The following ADGRV1 variants were observed in gnomAD, a reference collection of about 807,000 sequenced individuals.
The protein encoded by ADGRV1 is G-protein coupled receptor 98.
A neutral mutation model predicts 596.2 loss-of-function variants in ADGRV1; 359 were observed. That is an observed-to-expected ratio of 0.60 (90% CI 0.55 to 0.66). ADGRV1 has a LOEUF of 0.66. Ranked by LOEUF, ADGRV1 falls within the 30% of genes least tolerant of loss-of-function variation. The pLI is 0.00. For missense variants in ADGRV1, 7,274 were observed against 7,575.6 expected, an observed-to-expected ratio of 0.96 and a Z score of 1.48; for synonymous variants, 2,681 against 2,679.2, an observed-to-expected ratio of 1.00 and a Z score of -0.02.
Position 90,728,790 on chromosome 5 carries a change from C to T in ADGRV1, c.10283C>T (p.Ala3428Val), listed in dbSNP as rs1196639704. The change falls in exon 49 of 90, where the codon GCC becomes GTC. Residue 3428 changes from alanine (A) to valine (V), a missense_variant. By Grantham distance (64) the Ala-to-Val change is moderately conservative. Around this residue, in one of 5 missense-constraint regions of ADGRV1, gnomAD observed 3,643 missense variants for 3,809.2 expected, o/e 0.96. Coordinates refer to ENST00000405460, the MANE Select transcript of ADGRV1 (RefSeq NM_032119.4). ...TTCTTAGCCATTTCCCAGGCTAATG[C>T]CAGGCTAAACTCCCTTTTATTCAGA... ...SVFLAISQAN[A>V]RLNSLLFRWS... The T allele has an allele frequency of 1.9e-6, 3 of 1,613,986 alleles. No individual in the cohort carries two copies. In the South Asian group the frequency reaches 3.3e-5, roughly 18 times the overall value.
intron 21 of ADGRV1, among the ~76,000 whole-genome samples, chr5:90,668,419 C>T (rs1305123697): frequency 6.6e-6 from 1 of 152,162 alleles, no homozygotes; most frequent in Admixed American, 6.5e-5. Flanking sequence ...AAGGGAACTC[C>T]CTGACCCCTT....
chr5:90,641,175 A>C (rs1766924768), intron 11 of ADGRV1, among the ~76,000 whole-genome samples: 2 of 152,226 alleles, frequency 1.3e-5, no homozygotes, highest in African/African-American at 4.8e-5. Context: ...TTGTAGGTCC[A>C]CATAACCTCA....
At chr5:90,663,568 T>A (rs1002514146) in intron 21 of ADGRV1, among the ~76,000 whole-genome samples, 1 of 152,176 alleles carries the variant, frequency 6.6e-6, no homozygotes, top group African/African-American at 2.4e-5. Flanking sequence ...AGGTTGCCTG[T>A]TCACTCTGAT....
At chr5:90,577,384 C>T (rs993971846) in intron 1 of ADGRV1, among the ~76,000 whole-genome samples, 22 of 152,176 alleles carry the variant, frequency 1.4e-4, no homozygotes, top group Admixed American at 1.3e-3. Context: ...ATCCTTTCCC[C>T]ATTTCTTGTT....
chr5:90,599,879 G>T (rs1761191169), intron 1 of ADGRV1, among the ~76,000 whole-genome samples: 2 of 152,150 alleles, frequency 1.3e-5, no homozygotes. Context: ...GAAGTTGGGG[G>T]AATAATAGAG....
chr5:90,617,921 G>A lies in ADGRV1; in HGVS notation c.325G>A (p.Asp109Asn), dbSNP rs745406031. Residue 109 changes from aspartate (D) to asparagine (N), a missense_variant, in exon 3 of 90, where the codon GAC becomes AAC. Physicochemically the swap from Asp to Asn is conservative, Grantham distance 23 (BLOSUM62 1). This residue lies in a region of ADGRV1 where 1,715 missense variants were observed against 1,708.8 expected (regional missense o/e 1.00). Coordinates refer to ENST00000405460, the MANE Select transcript of ADGRV1 (RefSeq NM_032119.4). ...ATGTGATGATGACTTACCAGAGCCT[G>A]ACGAAACTTTTATTTTTCACTTAAC... ...AVCDDDLPEP[D>N]ETFIFHLTLQ... 6.3e-7 allele frequency: 1 copy of A among 1,586,552 alleles called. No homozygotes were observed. The highest frequency in any genetic ancestry group is 1.2e-5 in the South Asian group (1 of 86,564).
At chr5:91,081,988 G>A (rs1173286957) in intron 86 of ADGRV1, among the ~76,000 whole-genome samples, 2 of 152,064 alleles carry the variant, frequency 1.3e-5, no homozygotes, top group East Asian at 1.9e-4. Context: ...GAGAGGAGAC[G>A]GAATAGAATT....
intron 1 of ADGRV1, among the ~76,000 whole-genome samples, chr5:90,605,041 T>G (rs1761904466): frequency 6.6e-6 from 1 of 152,214 alleles, no homozygotes; most frequent in Non-Finnish European, 1.5e-5. Flanking sequence ...TTTTGTGATC[T>G]GTTTTTTGAT....
intron 21 of ADGRV1, among the ~76,000 whole-genome samples, chr5:90,668,271 GT>G (rs1175319516): frequency 6.6e-6 from 1 of 152,130 alleles, no homozygotes; most frequent in Admixed American, 6.5e-5. Context: ...GACTCCATGG[GT>G]GTAGGACCCT....
chr5:90,705,831 A>G (rs987897974), intron 37 of ADGRV1, among the ~76,000 whole-genome samples: 14 of 152,090 alleles, frequency 9.2e-5, no homozygotes, highest in Admixed American at 8.5e-4. Flanking sequence ...CTGTGGGTCT[A>G]CTAATCTACA....
chr5:90,720,287 T>C, intron 44 of ADGRV1, 64 bp downstream of exon 44: 1 of 1,045,708 alleles, frequency 9.6e-7, no homozygotes, highest in Non-Finnish European at 1.3e-6. Context: ...TTTTTTGACA[T>C]AAGAAAATGC....
chr5:90,956,987 C>A (rs373476686), intron 83 of ADGRV1, among the ~76,000 whole-genome samples: 1 of 151,526 alleles, frequency 6.6e-6, no homozygotes, highest in Non-Finnish European at 1.5e-5. Flanking sequence ...TGAGTAGAAA[C>A]ACTAGTGAAA....
intron 85 of ADGRV1, among the ~76,000 whole-genome samples, chr5:91,019,937 C>G (rs1783495990): frequency 6.6e-6 from 1 of 151,932 alleles, no homozygotes; most frequent in Non-Finnish European, 1.5e-5. Context: ...ATGCTTTCTC[C>G]CTGTATAATT....
intron 87 of ADGRV1, among the ~76,000 whole-genome samples, chr5:91,126,098 C>T (rs1047012603): frequency 1.3e-5 from 2 of 152,212 alleles, no homozygotes; most frequent in Non-Finnish European, 2.9e-5. Flanking sequence ...TTGCCTGGGG[C>T]AGTTCCCTAA....
At chr5:91,030,946 G>T in intron 85 of ADGRV1, 1 of 963,092 alleles carries the variant, frequency 1.0e-6, no homozygotes, top group Non-Finnish European at 1.5e-6. Flanking sequence ...ATATAGTACT[G>T]GCAGTTTTGT....
intron 86 of ADGRV1, among the ~76,000 whole-genome samples, chr5:91,080,989 A>G (rs1193739838): frequency 6.6e-6 from 1 of 152,088 alleles, no homozygotes; most frequent in Non-Finnish European, 1.5e-5. Flanking sequence ...TGCCTGGTGT[A>G]TTAGCTCAGG....
chr5:90,695,545 A>G (rs1422574067), intron 33 of ADGRV1, among the ~76,000 whole-genome samples: 1 of 152,132 alleles, frequency 6.6e-6, no homozygotes, highest in Non-Finnish European at 1.5e-5. Flanking sequence ...AAAATATACA[A>G]CAAAATGCAG....
At chr5:90,708,363 T>C (rs73193258) in intron 38 of ADGRV1, among the ~76,000 whole-genome samples, 10,942 of 151,914 alleles carry the variant, frequency 0.072, 496 homozygotes, top group South Asian at 0.14. Flanking sequence ...GATAGTAGAA[T>C]TGGGAGTTCT....
chr5:90,960,012 A>G (rs867108089), intron 83 of ADGRV1, among the ~76,000 whole-genome samples: 43 of 151,862 alleles, frequency 2.8e-4, no homozygotes, highest in South Asian at 1.0e-3. Context: ...GGTGGCGGGC[A>G]CCTGTAGTCC....
Sources: gnomAD v4.1 joint callset for allele counts (sites outside exome capture counted in the v4.1 genomes callset) on GRCh38, gnomAD v4.1.1 for gene constraint, gnomAD v4.1.1 regional missense constraint, MANE v1.5 for transcripts, NCBI Gene and HGNC (gene_info 2026-07-23, HGNC 2026-07-21) for gene names.